The following STK3 variants were observed in gnomAD, a reference collection of about 807,000 sequenced individuals.
STK3 encodes the protein serine/threonine kinase 3, also known as serine/threonine-protein kinase 3.
Under a neutral mutation model 58.0 loss-of-function variants are expected in STK3, and 41 were observed. The ratio of observed to expected loss-of-function variants is 0.71; its 90% CI spans 0.55 to 0.92. The LOEUF (loss-of-function observed/expected upper bound fraction) is 0.92, where lower values mean the gene tolerates loss of function less well. STK3 is among the 40% of genes least tolerant of loss of function. The pLI is 0.00. For missense variants in STK3, 479 were observed against 602.7 expected, an observed-to-expected ratio of 0.79 and a Z score of 2.15; for synonymous variants, 170 against 191.0, an observed-to-expected ratio of 0.89 and a Z score of 0.91.
the STK3 span, among the ~76,000 whole-genome samples, chr8:98,359,565 T>C: frequency 6.7e-6 from 1 of 149,548 alleles, no homozygotes; most frequent in Non-Finnish European, 1.5e-5. Context: ...GATAAATGAG[T>C]GTTTTCTTGA....
At chr8:98,569,483 TAA>T (rs1293730055) in intron 8 of STK3, among the ~76,000 whole-genome samples, 1 of 133,962 alleles carries the variant, frequency 7.5e-6, no homozygotes, top group Non-Finnish European at 1.6e-5. Context: ...GATGAATCAA[TAA>T]AAAAAAAAAA....
chr8:98,620,298 A>G (rs1818161931), intron 6 of STK3, among the ~76,000 whole-genome samples: 1 of 117,420 alleles, frequency 8.5e-6, no homozygotes, highest in African/African-American at 3.3e-5. Context: ...GGGGAATATC[A>G]CACTCTGGGG....
chr8:98,890,668 C>A (rs1199414131), intron 1 of STK3, among the ~76,000 whole-genome samples: 1 of 152,204 alleles, frequency 6.6e-6, no homozygotes, highest in African/African-American at 2.4e-5. Context: ...CCCTCTTCCA[C>A]CACAGGCCTT....
intron 6 of STK3, among the ~76,000 whole-genome samples, chr8:98,677,811 G>A (rs928520463): frequency 2.0e-5 from 3 of 151,654 alleles, no homozygotes; most frequent in Admixed American, 6.6e-5. Context: ...TCAAAACTTC[G>A]CAAAACATTT....
intron 1 of STK3, among the ~76,000 whole-genome samples, chr8:98,909,000 A>G (rs1839029624): frequency 6.6e-6 from 1 of 152,116 alleles, no homozygotes; most frequent in African/African-American, 2.4e-5. Context: ...TACTAAAAAT[A>G]CAAGAATTAG....
At chr8:98,824,979 C>T (rs931222698) in intron 1 of STK3, among the ~76,000 whole-genome samples, 8 of 152,206 alleles carry the variant, frequency 5.3e-5, no homozygotes, top group African/African-American at 1.7e-4. Flanking sequence ...ACACATCCCA[C>T]TCTTGTATGC....
intron 3 of STK3, among the ~76,000 whole-genome samples, chr8:98,861,124 C>T (rs1400147259): frequency 6.6e-6 from 1 of 152,024 alleles, no homozygotes; most frequent in African/African-American, 2.4e-5. Flanking sequence ...GCAGAAGCAG[C>T]TGCAGAAGTG....
At chr8:98,522,188 G>A (rs1199905196) in intron 10 of STK3, among the ~76,000 whole-genome samples, 1 of 152,158 alleles carries the variant, frequency 6.6e-6, no homozygotes, top group Non-Finnish European at 1.5e-5. Flanking sequence ...ATGAGTCTAA[G>A]ACAGACAGTA....
intron 6 of STK3, among the ~76,000 whole-genome samples, chr8:98,608,127 C>A (rs1157171480): frequency 6.6e-6 from 1 of 151,948 alleles, no homozygotes; most frequent in Non-Finnish European, 1.5e-5. Context: ...ATCATAATTA[C>A]CAGAAAACAA....
At chr8:98,554,487 C>T (rs1290625628) in intron 8 of STK3, among the ~76,000 whole-genome samples, 2 of 152,074 alleles carry the variant, frequency 1.3e-5, no homozygotes, top group Non-Finnish European at 2.9e-5. Flanking sequence ...AAAGCCTGAA[C>T]CTCTGGATTC....
At chr8:98,937,401 A>G (rs1840235559) in intron 1 of STK3, among the ~76,000 whole-genome samples, 1 of 152,250 alleles carries the variant, frequency 6.6e-6, no homozygotes, top group East Asian at 1.9e-4. Context: ...TTCACTTTCT[A>G]ATAAATGGGC....
chr8:98,460,664 A>G (rs1403919795), intron 10 of STK3, among the ~76,000 whole-genome samples: 6 of 152,108 alleles, frequency 3.9e-5, no homozygotes. Context: ...AGGTGACTGG[A>G]TCATGGGGGC....
chr8:98,406,696 C>G (rs77402083), intron 3 of STK3, among the ~76,000 whole-genome samples: 182 of 152,302 alleles, frequency 1.2e-3, no homozygotes, highest in African/African-American at 3.8e-3. Flanking sequence ...CAGTAACACC[C>G]AACTCTAATC....
At chr8:98,908,232 T>G (rs1294547112) in intron 1 of STK3, among the ~76,000 whole-genome samples, 1 of 152,238 alleles carries the variant, frequency 6.6e-6, no homozygotes, top group Non-Finnish European at 1.5e-5. Flanking sequence ...CTAGAATACT[T>G]CTCTAAGGAA....
chr8:98,479,078 C>G (rs935078044), intron 10 of STK3, among the ~76,000 whole-genome samples: 2 of 152,148 alleles, frequency 1.3e-5, no homozygotes, highest in Admixed American at 6.5e-5. Flanking sequence ...TGACATACTT[C>G]ATCACTGTTT....
At chr8:98,553,847 C>T (rs1484871856) in intron 8 of STK3, among the ~76,000 whole-genome samples, 1 of 151,986 alleles carries the variant, frequency 6.6e-6, no homozygotes, top group East Asian at 1.9e-4. Flanking sequence ...TTCCTGTAAT[C>T]CCAGCTACTT....
chr8:98,764,632 A>C (rs1025196621), intron 3 of STK3, among the ~76,000 whole-genome samples: 22 of 152,226 alleles, frequency 1.4e-4, no homozygotes, highest in Non-Finnish European at 2.8e-4. Flanking sequence ...TAGAATGTTA[A>C]ATGTGTAATT....
At chr8:98,449,649 A>G (rs1356084116), downstream of STK3, among the ~76,000 whole-genome samples, 2 of 152,160 alleles carry the variant, frequency 1.3e-5, no homozygotes, top group Non-Finnish European at 2.9e-5. Flanking sequence ...GGAGGGGGAA[A>G]GTTTAGCATA....
chr8:98,382,015 T>A (rs1170833887), intron 1 of STK3, among the ~76,000 whole-genome samples: 3 of 152,250 alleles, frequency 2.0e-5, no homozygotes, highest in African/African-American at 7.2e-5. Context: ...ACTTAAATTT[T>A]GTGCCCAAGA....
Sources: gnomAD v4.1 joint callset for allele counts (sites outside exome capture counted in the v4.1 genomes callset) on GRCh38, gnomAD v4.1.1 for gene constraint, MANE v1.5 for transcripts, NCBI Gene and HGNC (gene_info 2026-07-23, HGNC 2026-07-21) for gene names.